The following ITGA9 variants were observed in gnomAD, a reference collection of about 807,000 sequenced individuals.
ITGA9 encodes integrin subunit alpha 9.
Under a neutral mutation model 127.8 loss-of-function variants are expected in ITGA9, and 56 were observed. The observed-to-expected ratio is 0.44, with a 90% confidence interval of 0.35 to 0.55. The LOEUF is 0.55. Ranked by LOEUF, ITGA9 falls within the 20% of genes least tolerant of loss-of-function variation. The pLI is 0.00. For synonymous variants in ITGA9, 508 were observed against 514.5 expected (o/e 0.99, Z 0.17); for missense variants, 1,196 against 1,347.1 (o/e 0.89, Z 1.76).
intron 4 of ITGA9, among the ~76,000 whole-genome samples, chr3:37,485,067 C>T (rs2125560598): frequency 6.6e-6 from 1 of 152,194 alleles, no homozygotes; most frequent in East Asian, 1.9e-4. Context: ...CAAGAAGCTC[C>T]CCATCTACAG....
intron 4 of ITGA9, among the ~76,000 whole-genome samples, chr3:37,484,646 A>G (rs1698590800): frequency 6.6e-6 from 1 of 152,042 alleles, no homozygotes; most frequent in Admixed American, 6.5e-5. Context: ...TTTTCTTTCT[A>G]ATCTGTTATT....
At chr3:37,466,034 G>C (rs1401212969) in intron 1 of ITGA9, among the ~76,000 whole-genome samples, 1 of 152,060 alleles carries the variant, frequency 6.6e-6, no homozygotes. Flanking sequence ...CTGTAAAATG[G>C]GGATAATATT....
chr3:37,483,192 G>A (rs1698574069), intron 4 of ITGA9, among the ~76,000 whole-genome samples: 1 of 152,120 alleles, frequency 6.6e-6, no homozygotes, highest in Non-Finnish European at 1.5e-5. Context: ...TGTTGTGACA[G>A]GGACACATGA....
chr3:37,802,903 G>A (rs1697251526), intron 26 of ITGA9, among the ~76,000 whole-genome samples: 1 of 152,188 alleles, frequency 6.6e-6, no homozygotes, highest in Non-Finnish European at 1.5e-5. Context: ...TTCAGGAAAA[G>A]TTGGGAAAAC....
At chr3:37,801,457 G>A (rs961321272) in intron 26 of ITGA9, among the ~76,000 whole-genome samples, 2 of 152,086 alleles carry the variant, frequency 1.3e-5, no homozygotes, top group Non-Finnish European at 2.9e-5. Context: ...ATGTATATTC[G>A]ACTTCAATAA....
chr3:37,650,773 A>G (rs1393550482), intron 16 of ITGA9, among the ~76,000 whole-genome samples: 1 of 151,978 alleles, frequency 6.6e-6, no homozygotes, highest in African/African-American at 2.4e-5. Flanking sequence ...ATTAAGCTTC[A>G]TGGTGTTCAC....
rs549412303 is a variant in ITGA9 at position 37,686,030 on chromosome 3, A to G, written c.2067+2015A>G. Among the ~76,000 whole-genome samples, 16 of 152,298 alleles carry G rather than the reference A, an allele frequency of 1.1e-4. No individual in the cohort carries two copies. In the South Asian group the frequency reaches 3.3e-3, roughly 32 times the overall value. On this transcript the variant is annotated intron_variant, in intron 18 of 27. Transcript: ENST00000264741. Reference sequence around the variant, plus strand: ...TGTATTTAGGTTATTCCCAGTTTCTATATTAAGTAAAATTGTGAGAAATGT... The same window carrying G: ...TGTATTTAGGTTATTCCCAGTTTCTGTATTAAGTAAAATTGTGAGAAATGT...
chr3:37,537,128 G>A (rs985078643), intron 14 of ITGA9, among the ~76,000 whole-genome samples: 1 of 152,244 alleles, frequency 6.6e-6, no homozygotes, highest in Non-Finnish European at 1.5e-5. Flanking sequence ...GCTTGGAGAA[G>A]GGGCCCTGCG....
intron 15 of ITGA9, among the ~76,000 whole-genome samples, chr3:37,568,852 T>A (rs1161583968): frequency 1.3e-5 from 2 of 152,222 alleles, no homozygotes; most frequent in African/African-American, 4.8e-5. Flanking sequence ...AGTTCCAAAC[T>A]TTCTCACATT....
At chr3:37,714,098 A>T (rs1306616780) in intron 18 of ITGA9, among the ~76,000 whole-genome samples, 1 of 152,226 alleles carries the variant, frequency 6.6e-6, no homozygotes, top group Non-Finnish European at 1.5e-5. Flanking sequence ...CATGGAGCCA[A>T]ACTGAACTGG....
At chr3:37,730,700 C>T (rs561864034) in intron 18 of ITGA9, among the ~76,000 whole-genome samples, 60 of 152,308 alleles carry the variant, frequency 3.9e-4, no homozygotes, top group African/African-American at 1.2e-3. Flanking sequence ...ATGCTCAGGG[C>T]GCGTTCTGAA....
At chr3:37,730,684 C>A (rs944638117) in intron 18 of ITGA9, among the ~76,000 whole-genome samples, 8 of 152,204 alleles carry the variant, frequency 5.3e-5, no homozygotes, top group Non-Finnish European at 8.8e-5. Context: ...CTCAGCTACC[C>A]AGTGCATGCT....
At chr3:37,453,911 TCA>T (rs1245018654) in intron 1 of ITGA9, among the ~76,000 whole-genome samples, 5 of 152,198 alleles carry the variant, frequency 3.3e-5, no homozygotes, top group Admixed American at 3.3e-4. Context: ...TCTCCCTCTC[TCA>T]CTTACTCCAG....
intron 17 of ITGA9, among the ~76,000 whole-genome samples, chr3:37,673,262 T>C (rs1211202693): frequency 6.6e-6 from 1 of 152,164 alleles, no homozygotes; most frequent in Non-Finnish European, 1.5e-5. Context: ...GAGCTCCAAC[T>C]ACAACCTATT....
At chr3:37,454,214 C>T (rs571114701) in intron 1 of ITGA9, among the ~76,000 whole-genome samples, 1 of 152,328 alleles carries the variant, frequency 6.6e-6, no homozygotes, top group East Asian at 1.9e-4. Context: ...TGCCTTGGAG[C>T]TCTTTGACAG....
In ITGA9 at chr3:37,647,453, GT is replaced by G. The variant is rs58911100; in HGVS notation, c.1840-6246del. Reference sequence around the variant, plus strand: ...ATGAACATATCCATTGCCTAACATAGTTTTTTTTTTTTTTTGATAGTAAGAG... The same window carrying G: ...ATGAACATATCCATTGCCTAACATAGTTTTTTTTTTTTTTGATAGTAAGAG... On this transcript the variant is annotated intron_variant, in intron 16 of 27. Transcript: ENST00000264741. Among the ~76,000 whole-genome samples the G allele has an allele frequency of 3.7e-3, 521 of 141,608 alleles. 1 individual carries two copies. The highest frequency in any genetic ancestry group is 0.016 in the South Asian group (72 of 4,414). The allele number at this position is 141,608 out of a possible 152,430, so 92.9% of individuals were successfully genotyped here. A position where few individuals can be genotyped will look rare whatever the true frequency, so the allele number is the denominator to read the frequency against.
intron 19 of ITGA9, among the ~76,000 whole-genome samples, chr3:37,735,221 T>C (rs1270487701): frequency 6.6e-6 from 1 of 152,214 alleles, no homozygotes; most frequent in African/African-American, 2.4e-5. Flanking sequence ...CTGTGCTCTT[T>C]AATGTTTTTA....
chr3:37,464,665 C>G (rs1345098468), intron 1 of ITGA9, among the ~76,000 whole-genome samples: 1 of 152,192 alleles, frequency 6.6e-6, no homozygotes, highest in Non-Finnish European at 1.5e-5. Context: ...ACTTTATCAC[C>G]ATGCATAACT....
intron 1 of ITGA9, among the ~76,000 whole-genome samples, chr3:37,457,965 G>A (rs1698278914): frequency 6.6e-6 from 1 of 152,224 alleles, no homozygotes; most frequent in Non-Finnish European, 1.5e-5. Flanking sequence ...TGCTGTTCAG[G>A]AAATGGTCTC....
Sources: allele counts gnomAD v4.1 joint callset (sites outside exome capture counted in the v4.1 genomes callset), GRCh38; gene constraint gnomAD v4.1.1; transcripts MANE v1.5; gene names NCBI Gene and HGNC (gene_info 2026-07-23, HGNC 2026-07-21).